Variants in GLIS1 observed in about 807,000 individuals in gnomAD.
GLIS1 encodes GLIS family zinc finger 1.
GLIS1 carries 24 observed loss-of-function variants against 63.8 expected under a neutral mutation model. That is an observed-to-expected ratio of 0.38 (90% CI 0.27 to 0.53). The LOEUF (loss-of-function observed/expected upper bound fraction) is 0.53. GLIS1 is among the 20% of genes least tolerant of loss of function. The pLI, the probability that GLIS1 is intolerant of heterozygous loss-of-function variation, is 0.85. For missense variants in GLIS1, 1,036 were observed against 1,074.1 expected (o/e 0.96, Z 0.50); for synonymous variants, 450 against 482.5 (o/e 0.93, Z 0.88).
chr1:53,723,865 G>T (rs1393303407), intron 2 of GLIS1, among the ~76,000 whole-genome samples: 1 of 152,166 alleles, frequency 6.6e-6, no homozygotes, highest in East Asian at 1.9e-4. Flanking sequence ...GAACCTACAA[G>T]AATAAATCAA....
At chr1:53,570,768 T>C (rs1475160129) in intron 4 of GLIS1, among the ~76,000 whole-genome samples, 1 of 152,198 alleles carries the variant, frequency 6.6e-6, no homozygotes, top group African/African-American at 2.4e-5. Flanking sequence ...GATATCCAGC[T>C]GGAAACAAAT....
At chr1:53,563,230 G>A (rs1226757342) in intron 4 of GLIS1, among the ~76,000 whole-genome samples, 2 of 152,256 alleles carry the variant, frequency 1.3e-5, no homozygotes, top group Non-Finnish European at 2.9e-5. Context: ...GGCAAGAAGA[G>A]GGAGGCTCTG....
intron 4 of GLIS1, among the ~76,000 whole-genome samples, chr1:53,536,358 T>C (rs891079890): frequency 1.3e-5 from 2 of 152,128 alleles, no homozygotes; most frequent in African/African-American, 4.8e-5. Context: ...AGGTTTTTCT[T>C]ATTTACCCCA....
chr1:53,522,995 T>TTC (rs1320500416), intron 6 of GLIS1, among the ~76,000 whole-genome samples: 1 of 146,678 alleles, frequency 6.8e-6, no homozygotes, highest in Non-Finnish European at 1.5e-5. Flanking sequence ...TCTTTTTTTT[T>TTC]TTTTTTTTTT....
At chr1:53,728,113 C>G (rs1240053150) in intron 2 of GLIS1, among the ~76,000 whole-genome samples, 1 of 152,126 alleles carries the variant, frequency 6.6e-6, no homozygotes, top group Non-Finnish European at 1.5e-5. Flanking sequence ...ACACTCTGCC[C>G]CTGTCTTCAA....
chr1:53,677,618 G>A (rs1235516115), intron 2 of GLIS1, among the ~76,000 whole-genome samples: 1 of 152,240 alleles, frequency 6.6e-6, no homozygotes, highest in Non-Finnish European at 1.5e-5. Context: ...CAAATAAATT[G>A]AGGGGCCTCT....
chr1:53,715,291 G>A (rs2100535106), intron 2 of GLIS1, among the ~76,000 whole-genome samples: 1 of 152,312 alleles, frequency 6.6e-6, no homozygotes, highest in Admixed American at 6.5e-5. Flanking sequence ...TGATATGTAA[G>A]CAGAAAAGTC....
chr1:53,563,804 C>T (rs1457831827), intron 4 of GLIS1, among the ~76,000 whole-genome samples: 3 of 152,136 alleles, frequency 2.0e-5, no homozygotes, highest in African/African-American at 4.8e-5. Context: ...AAGCAATAGA[C>T]AGGAAACACA....
intron 2 of GLIS1, among the ~76,000 whole-genome samples, chr1:53,640,554 C>T (rs757799523): frequency 2.6e-5 from 4 of 152,144 alleles, no homozygotes; most frequent in African/African-American, 4.8e-5. Context: ...TGTAGGGTGG[C>T]TGTTTAGAGT....
chr1:53,581,641 C>T (rs1645085587), intron 4 of GLIS1, among the ~76,000 whole-genome samples: 2 of 152,170 alleles, frequency 1.3e-5, no homozygotes, highest in South Asian at 4.1e-4. Flanking sequence ...TTTCGAGAGG[C>T]AGTCAGGGAA....
intron 2 of GLIS1, among the ~76,000 whole-genome samples, chr1:53,683,135 A>G (rs1464415891): frequency 6.6e-6 from 1 of 151,852 alleles, no homozygotes. Context: ...AGGCGAGTTC[A>G]GTCCTGGCAT....
intron 4 of GLIS1, among the ~76,000 whole-genome samples, chr1:53,556,187 TTG>T (rs948802453): frequency 2.2e-5 from 2 of 89,080 alleles, no homozygotes; most frequent in Non-Finnish European, 2.2e-5. Context: ...TACTGTAGGT[TTG>T]TGTGTGTGTG....
At chr1:53,684,957 T>C (rs1475335873) in intron 2 of GLIS1, among the ~76,000 whole-genome samples, 3 of 152,020 alleles carry the variant, frequency 2.0e-5, no homozygotes, top group Non-Finnish European at 4.4e-5. Context: ...ATCAAGAGAC[T>C]CACGGGAGGG....
At chr1:53,601,155 G>A (rs1283866772) in intron 2 of GLIS1, among the ~76,000 whole-genome samples, 8 of 152,174 alleles carry the variant, frequency 5.3e-5, no homozygotes, top group African/African-American at 1.9e-4. Flanking sequence ...AGACCTCGAT[G>A]TGAGCCCCTA....
At position 53,597,298 on chromosome 1, in the gene GLIS1, G is replaced by A. The variant is rs1378113753; in HGVS notation, c.438-2308C>T. On this transcript the variant is annotated intron_variant, in intron 3 of 10. Coordinates refer to ENST00000628545, the MANE Select transcript of GLIS1 (RefSeq NM_001367484.1). Reference sequence around the variant, plus strand: ...TGAGGCAGGAGAATGGCGTGAACCCGGGAGGCGGAGCTTGCAGTGAGCCGA... The same window carrying A: ...TGAGGCAGGAGAATGGCGTGAACCCAGGAGGCGGAGCTTGCAGTGAGCCGA... Among the ~76,000 whole-genome samples the A allele has an allele frequency of 2.0e-5, 3 of 150,012 alleles. No homozygotes were observed. The South Asian group carries it at 6.5e-4, about 32-fold the overall frequency.
At chr1:53,739,017 CGG>C (rs1646941357) in intron 1 of GLIS1, among the ~76,000 whole-genome samples, 86 bp downstream of exon 1, 1 of 152,086 alleles carries the variant, frequency 6.6e-6, no homozygotes, top group Non-Finnish European at 1.5e-5. Flanking sequence ...CCCAAGCTGC[CGG>C]GGTTCGAGCG....
intron 2 of GLIS1, among the ~76,000 whole-genome samples, chr1:53,724,211 T>A (rs769516271): frequency 6.6e-5 from 10 of 152,184 alleles, no homozygotes; most frequent in Non-Finnish European, 7.3e-5. Context: ...AGGCCAAGGA[T>A]GCTAGAGACT....
Position 53,539,552 on chromosome 1 carries a change from C to CCA in GLIS1, c.1321-9602_1321-9601dup, listed in dbSNP as rs372412444. On this transcript the variant is annotated intron_variant, in intron 4 of 10. Coordinates refer to ENST00000628545, the MANE Select transcript of GLIS1 (RefSeq NM_001367484.1). The surrounding 1 kb of genome is among the most constrained non-coding windows in gnomAD (Gnocchi z 5.0). ...CACATACCACACGGTATACACCCCC[C>CCA]CACACACACTACACATCATACACAT... Among the ~76,000 whole-genome samples the CCA allele has an allele frequency of 0.082, 12,328 of 150,518 alleles. 643 individuals carry two copies. Among genetic ancestry groups the CCA allele is most frequent in the Middle Eastern group, 0.12 (34 of 292 alleles).
intron 5 of GLIS1, among the ~76,000 whole-genome samples, chr1:53,525,763 C>A (rs1287366926): frequency 1.3e-5 from 2 of 151,972 alleles, no homozygotes; most frequent in Non-Finnish European, 2.9e-5. Context: ...GGCCCTACAC[C>A]TCCCACCACG....
Sources: allele counts gnomAD v4.1 joint callset (sites outside exome capture counted in the v4.1 genomes callset), GRCh38; gene constraint gnomAD v4.1.1; non-coding constraint Gnocchi (gnomAD v3.1); transcripts MANE v1.5; gene names NCBI Gene and HGNC (gene_info 2026-07-23, HGNC 2026-07-21).